Variants in UBE4B observed in about 807,000 individuals in gnomAD.
The protein encoded by UBE4B is ubiquitination factor E4B.
Under a neutral mutation model 148.1 loss-of-function variants are expected in UBE4B, and 27 were observed. The observed-to-expected ratio is 0.18, with a 90% CI of 0.13 to 0.25. The LOEUF (loss-of-function observed/expected upper bound fraction) is 0.25. Ranked by LOEUF, UBE4B falls within the 10% of genes least tolerant of loss-of-function variation. The pLI is 1.00. For synonymous variants in UBE4B, 596 were observed against 619.3 expected (o/e 0.96, Z 0.56); for missense variants, 1,170 against 1,662.4 (o/e 0.70, Z 5.15).
intron 1 of UBE4B, chr1:10,059,244 A>G (rs1243845690): frequency 6.6e-6 from 1 of 152,448 alleles, no homozygotes; most frequent in East Asian, 1.9e-4. Flanking sequence ...AACAACAGCA[A>G]CAACAAAAAG....
intron 2 of UBE4B, among the ~76,000 whole-genome samples, chr1:10,078,830 G>T (rs1270794286): frequency 6.6e-6 from 1 of 152,000 alleles, no homozygotes; most frequent in Non-Finnish European, 1.5e-5. Flanking sequence ...GAGCTGGCAG[G>T]TTTCATTTTT....
At chr1:10,137,965 C>T (rs1382295517) in intron 17 of UBE4B, among the ~76,000 whole-genome samples, 6 of 117,170 alleles carry the variant, frequency 5.1e-5, no homozygotes, top group East Asian at 2.7e-4. Flanking sequence ...GACGGAGTCT[C>T]GCTCTGTTGC....
At chr1:10,166,459 C>T (rs1295112165) in intron 23 of UBE4B, 1 of 152,162 alleles carries the variant, frequency 6.6e-6, no homozygotes, top group African/African-American at 2.4e-5. Flanking sequence ...CGATAGGCCT[C>T]AATACGGTGG....
At chr1:10,131,688 C>T (rs967463379) in intron 14 of UBE4B, among the ~76,000 whole-genome samples, 1 of 152,064 alleles carries the variant, frequency 6.6e-6, no homozygotes, top group Non-Finnish European at 1.5e-5. Context: ...ATGGTGAAAC[C>T]TCGTCACTGC....
chr1:10,172,803 A>G (rs575266596), intron 25 of UBE4B, among the ~76,000 whole-genome samples: 2 of 152,208 alleles, frequency 1.3e-5, no homozygotes, highest in African/African-American at 4.8e-5. Context: ...GAAAAAATAC[A>G]TAGTCATGTG....
At chr1:10,156,246 T>C (rs1031691842) in intron 21 of UBE4B, among the ~76,000 whole-genome samples, 4 of 149,212 alleles carry the variant, frequency 2.7e-5, no homozygotes, top group Admixed American at 6.7e-5. Context: ...TTTCTTTTTT[T>C]TTTTTTTTTT....
intron 23 of UBE4B, among the ~76,000 whole-genome samples, chr1:10,165,098 A>G (rs1481310377): frequency 6.6e-6 from 1 of 152,078 alleles, no homozygotes; most frequent in African/African-American, 2.4e-5. Flanking sequence ...TCCAGAATAT[A>G]TCTCCCTGGC....
chr1:10,147,904 A>G (rs1223422515), intron 19 of UBE4B, among the ~76,000 whole-genome samples: 1 of 152,182 alleles, frequency 6.6e-6, no homozygotes, highest in Non-Finnish European at 1.5e-5. Context: ...TTGGCCCAAG[A>G]CCCGTGAAGG....
intron 1 of UBE4B, among the ~76,000 whole-genome samples, chr1:10,064,766 C>CTT (rs1210924189): frequency 5.0e-5 from 7 of 139,222 alleles, no homozygotes; most frequent in Non-Finnish European, 3.2e-5. Flanking sequence ...CTATTCTGGA[C>CTT]TTTTTTTTTT....
chr1:10,039,213 G>A (rs1034812775), intron 1 of UBE4B, among the ~76,000 whole-genome samples: 3 of 152,158 alleles, frequency 2.0e-5, no homozygotes, highest in African/African-American at 7.2e-5. Flanking sequence ...TAAGAAACAT[G>A]AGAAGGGACC....
chr1:10,119,590 A>G lies in UBE4B; in HGVS notation c.1416A>G (p.Leu472=), dbSNP rs778728074. 3 of 1,613,340 alleles carry G rather than the reference A, an allele frequency of 1.9e-6. No individual in the cohort carries two copies. The highest frequency in any genetic ancestry group is 1.1e-5 in the South Asian group (1 of 91,072). The change falls in exon 9 of 28, where the codon CTA becomes CTG. Residue 472 remains leucine (L), a synonymous_variant. Coordinates refer to ENST00000343090, the MANE Select transcript of UBE4B (RefSeq NM_001105562.3). ...GCATATCCCATACTGCTTTAGTACTACAAGGCTCCCTAACACAGCCCAGGT... is the reference window on the plus strand; with the variant it reads ...GCATATCCCATACTGCTTTAGTACTGCAAGGCTCCCTAACACAGCCCAGGT... The part of the protein sequence containing the change: ...SQCISHTALV[L]QGSLTQPRSL...
chr1:10,114,875 C>T (rs1645281700), intron 7 of UBE4B, among the ~76,000 whole-genome samples: 1 of 151,976 alleles, frequency 6.6e-6, no homozygotes, highest in Non-Finnish European at 1.5e-5. Context: ...AAAAAAAAGA[C>T]ACAATAATTA....
intron 17 of UBE4B, among the ~76,000 whole-genome samples, chr1:10,144,247 G>A (rs1013946915): frequency 1.1e-4 from 16 of 152,260 alleles, no homozygotes; most frequent in African/African-American, 2.4e-4. Flanking sequence ...GGACGATGCC[G>A]TTAGTAAAAT....
In UBE4B at chr1:10,082,335, C is replaced by CA. The variant is rs552289127; in HGVS notation, c.211+10129dup. Among the ~76,000 whole-genome samples the CA allele has an allele frequency of 1.5e-4, 23 of 151,542 alleles. No individual in the cohort carries two copies. In the South Asian group the frequency reaches 4.2e-3, roughly 28 times the overall value. On this transcript the variant is annotated intron_variant, in intron 2 of 27. Coordinates refer to ENST00000343090, the MANE Select transcript of UBE4B (RefSeq NM_001105562.3). ...ACAACATAGCGAGACGTTACCTCTA[C>CA]AAAAAAAATACACAAATTAGCCAGG...
intron 24 of UBE4B, among the ~76,000 whole-genome samples, chr1:10,169,815 G>A (rs1344895818): frequency 1.3e-5 from 2 of 152,210 alleles, no homozygotes; most frequent in Admixed American, 6.5e-5. Flanking sequence ...AGGAGTTCCA[G>A]ACCAGCCTGG....
At chr1:10,140,161 A>G (rs1019845243) in intron 17 of UBE4B, among the ~76,000 whole-genome samples, 9 of 151,930 alleles carry the variant, frequency 5.9e-5, no homozygotes, top group African/African-American at 2.2e-4. Context: ...TTGTTATATC[A>G]TATCTTATTA....
rs1646490069 is a variant in UBE4B, at chr1:10,180,472, T to A, written c.*516T>A. The stretch of plus-strand genomic sequence containing the variant: ...TCCTTTCCCTGGCCCTCCAAACATA[T>A]ATTCTGTGAGATAACTGTGCCTGCT... On this transcript the variant is annotated 3_prime_UTR_variant, in exon 28 of 28. Transcript: ENST00000343090. 6.5e-6 allele frequency: 1 copy of A among 153,438 alleles called. No individual in the cohort carries two copies. The allele number at this position is 153,438 out of a possible 1,614,324, so 9.5% of individuals were successfully genotyped here.
intron 2 of UBE4B, among the ~76,000 whole-genome samples, chr1:10,084,736 C>A (rs1418954785): frequency 3.3e-5 from 5 of 149,400 alleles, no homozygotes; most frequent in Non-Finnish European, 5.9e-5. Context: ...CTTGCTCAGT[C>A]CCCCAGGCTG....
At position 10,180,669 on chromosome 1, in the gene UBE4B, TAAAG is replaced by T. The variant is rs748586286; in HGVS notation, c.*717_*720del. 4.6e-5 allele frequency: 7 copies of T among 152,340 alleles called. No individual in the cohort carries two copies. The South Asian group carries it at 6.2e-4, about 14-fold the overall frequency. 9.4% of individuals were successfully genotyped at this position (152,340 alleles called of 1,614,324 possible). A position where few individuals can be genotyped will look rare whatever the true frequency, so the allele number is the denominator to read the frequency against. ...TAAGATTTTTTTATTCTAAACAAAA[TAAAG>T]AAAATCCTGCTGCTCTGGTCCTTGT... On this transcript the variant is annotated 3_prime_UTR_variant, in exon 28 of 28. Coordinates refer to ENST00000343090, the MANE Select transcript of UBE4B (RefSeq NM_001105562.3).
Sources: allele counts gnomAD v4.1 joint callset (sites outside exome capture counted in the v4.1 genomes callset), GRCh38; gene constraint gnomAD v4.1.1; transcripts MANE v1.5; gene names NCBI Gene and HGNC (gene_info 2026-07-23, HGNC 2026-07-21).